SYNE2: variants seen among roughly 807,000 people sequenced by gnomAD.
SYNE2 encodes the protein spectrin repeat containing nuclear envelope protein 2, also known as nesprin-2.
A neutral mutation model predicts 856.3 loss-of-function variants in SYNE2; 431 were observed. The observed-to-expected ratio is 0.50, with a 90% CI of 0.47 to 0.55. The LOEUF (loss-of-function observed/expected upper bound fraction) is 0.55, where lower values mean the gene tolerates loss of function less well. Among genes scored for constraint, SYNE2 ranks in the 20% least tolerant of loss-of-function variants. SYNE2 has a pLI of 0.00. For synonymous variants in SYNE2, 2,923 were observed against 2,872.3 expected (o/e 1.02, Z -0.56); for missense variants, 8,129 against 8,023.2 (o/e 1.01, Z -0.50).
chr14:64,202,244 G>A (rs1051894303), intron 99 of SYNE2: 1 of 702,330 alleles, frequency 1.4e-6, no homozygotes, highest in African/African-American at 1.7e-5. Context: ...ATACGGCTGG[G>A]TGAACCCCTC....
intron 48 of SYNE2, among the ~76,000 whole-genome samples, chr14:64,055,238 G>A (rs2097259125): frequency 6.6e-6 from 1 of 152,052 alleles, no homozygotes; most frequent in African/African-American, 2.4e-5. Flanking sequence ...TACATTAAAT[G>A]TAATCCATTG....
At chr14:63,914,163 T>A (rs2095508467) in intron 2 of SYNE2, among the ~76,000 whole-genome samples, 1 of 152,234 alleles carries the variant, frequency 6.6e-6, no homozygotes, top group African/African-American at 2.4e-5. Context: ...AAACAACATC[T>A]GTGCTGAGCC....
chr14:63,840,234 G>A (rs942107654), intron 1 of SYNE2, among the ~76,000 whole-genome samples: 8 of 152,088 alleles, frequency 5.3e-5, no homozygotes, highest in African/African-American at 1.9e-4. Context: ...CAGCGTCATT[G>A]CACTCCAGCC....
At position 64,073,324 on chromosome 14, in the gene SYNE2, A is replaced by G. The variant is rs532050487; in HGVS notation, c.10698-644A>G. The stretch of plus-strand genomic sequence containing the variant: ...CCTTCTTAGAACTAAAGATGCTCCT[A>G]TCACTCAGGAAATTACAAAGGGCTT... On this transcript the variant is annotated intron_variant, in intron 52 of 115. Coordinates refer to ENST00000555002, the MANE Select transcript of SYNE2 (RefSeq NM_182914.3). 7.6e-4 allele frequency among the ~76,000 whole-genome samples: 116 copies of G among 152,202 alleles called. 1 individual carries two copies. The highest frequency in any genetic ancestry group is 2.6e-3 in the African/African-American group (110 of 41,542).
intron 2 of SYNE2, among the ~76,000 whole-genome samples, chr14:63,927,015 A>G (rs1344034378): frequency 6.6e-6 from 1 of 152,210 alleles, no homozygotes; most frequent in African/African-American, 2.4e-5. Context: ...AGGTCCTGAA[A>G]GAAGGCGGGA....
intron 111 of SYNE2, 49 bp from the exon 112 acceptor site, chr14:64,221,527 C>A: frequency 6.2e-7 from 1 of 1,614,196 alleles, no homozygotes; most frequent in Non-Finnish European, 8.5e-7. Context: ...GGCACACCCT[C>A]TTCCAGGGCT....
rs1253293243 is a variant in SYNE2, at chr14:64,202,840, G to A, written c.18078G>A (p.Gln6026=). ...AGGAGACCTTTGCTTTTATTCAGCAGTTGGACAAAAACATGAGCAACCTTC... is the reference window on the plus strand; with the variant it reads ...AGGAGACCTTTGCTTTTATTCAGCAATTGGACAAAAACATGAGCAACCTTC... ...KLKETFAFIQ[Q]LDKNMSNLRT... The change falls in exon 100 of 116, where the codon CAG becomes CAA. Residue 6026 remains glutamine, a synonymous_variant. Coordinates refer to ENST00000555002, the MANE Select transcript of SYNE2 (RefSeq NM_182914.3). 1.2e-6 allele frequency: 2 copies of A among 1,614,006 alleles called. No individual in the cohort carries two copies. The highest frequency in any genetic ancestry group is 2.2e-5 in the East Asian group (1 of 44,896).
At position 64,170,413 on chromosome 14, in the gene SYNE2, A is replaced by T; in HGVS notation, c.17186A>T (p.Gln5729Leu). Reference protein sequence around the residue: ...TSHLLSAVKGQERFSLYQTRS... With the variant: ...TSHLLSAVKGLERFSLYQTRS... ...CACCTGCTATCTGCAGTGAAGGGCCAGGAGCGCTTCAGCCTCTACCAAACC... is the reference window on the plus strand; with the variant it reads ...CACCTGCTATCTGCAGTGAAGGGCCTGGAGCGCTTCAGCCTCTACCAAACC... Residue 5729 changes from glutamine (Q) to leucine (L), a missense_variant, in exon 94 of 116, where the codon CAG becomes CTG. Coordinates refer to ENST00000555002, the MANE Select transcript of SYNE2 (RefSeq NM_182914.3). 1.2e-6 allele frequency: 2 copies of T among 1,614,164 alleles called. No homozygotes were observed. Among genetic ancestry groups the T allele is most frequent in the Non-Finnish European group, 1.7e-6 (2 of 1,180,038 alleles).
In SYNE2 at chr14:64,203,713, G is replaced by A. The variant is rs926816512; in HGVS notation, c.18201+750G>A. 1.7e-4 allele frequency among the ~76,000 whole-genome samples: 26 copies of A among 152,140 alleles called. 1 individual carries two copies. Among genetic ancestry groups the A allele is most frequent in the African/African-American group, 6.0e-4 (25 of 41,488 alleles). On this transcript the variant is annotated intron_variant, in intron 100 of 115. Coordinates refer to ENST00000555002, the MANE Select transcript of SYNE2 (RefSeq NM_182914.3). ...TTCTTTCTTTAGCTTTTGTTCACCT[G>A]TTTTTCTCAGACCTATGGGCAGATT...
At chr14:64,206,188 C>T (rs2098604500) in intron 100 of SYNE2, among the ~76,000 whole-genome samples, 1 of 152,216 alleles carries the variant, frequency 6.6e-6, no homozygotes, top group African/African-American at 2.4e-5. Context: ...CAAGTTCCTC[C>T]CCAACCTCAG....
chr14:63,930,735 C>A (rs1484690841), intron 2 of SYNE2, among the ~76,000 whole-genome samples: 2 of 152,094 alleles, frequency 1.3e-5, no homozygotes, highest in Non-Finnish European at 2.9e-5. Context: ...AGGGTTTCAC[C>A]ATGTTGACCA....
In SYNE2 at chr14:63,995,144, ATAAAG is replaced by A; in HGVS notation, c.2883_2887del (p.Asn961LysfsTer7). The A allele has an allele frequency of 6.2e-7, 1 of 1,605,482 alleles. No homozygotes were observed. The highest frequency in any genetic ancestry group is 8.5e-7 in the Non-Finnish European group (1 of 1,176,028). On this transcript the variant is annotated frameshift_variant, in exon 23 of 116. Coordinates refer to ENST00000555002, the MANE Select transcript of SYNE2 (RefSeq NM_182914.3). LOFTEE classifies it high-confidence loss of function. The stretch of plus-strand genomic sequence containing the variant: ...ATTTTAAAACTTGAAAAGCAAATAA[ATAAAG>A]AAAAGAAACTTATCCGTAGAGGAAG...
chr14:64,068,536 A>G (rs914293696), intron 51 of SYNE2, among the ~76,000 whole-genome samples: 4 of 152,070 alleles, frequency 2.6e-5, no homozygotes, highest in African/African-American at 9.7e-5. Context: ...AAGTTGAAGA[A>G]TTGCCTGGCT....
At chr14:63,951,187 G>T (rs888464444) in intron 7 of SYNE2, among the ~76,000 whole-genome samples, 1 of 152,144 alleles carries the variant, frequency 6.6e-6, no homozygotes, top group Non-Finnish European at 1.5e-5. Flanking sequence ...TCATAGCATT[G>T]TTAGGTAAAT....
chr14:64,095,303 T>G (rs1396518462), intron 61 of SYNE2, among the ~76,000 whole-genome samples: 2 of 152,336 alleles, frequency 1.3e-5, no homozygotes, highest in Admixed American at 1.3e-4. Context: ...ACCCAACAAG[T>G]GCAAAGTATG....
rs774317827 is a variant in SYNE2, at chr14:64,137,928, A to G, written c.14788A>G (p.Lys4930Glu). 4 of 1,614,184 alleles carry G rather than the reference A, an allele frequency of 2.5e-6. No individual in the cohort carries two copies. The East Asian group carries it at 8.9e-5, about 36-fold the overall frequency. ...KLEEQWLSLN[K>E]KIDHELHRLQ... Reference sequence around the variant, plus strand: ...GGAAGAGCAGTGGTTGTCCCTGAACAAGAAAATTGACCATGAGCTCCACAG... The same window carrying G: ...GGAAGAGCAGTGGTTGTCCCTGAACGAGAAAATTGACCATGAGCTCCACAG... Residue 4930 changes from lysine (K) to glutamate (E), a missense_variant, in exon 79 of 116, where the codon AAG (lysine) becomes GAG (glutamate). Coordinates refer to ENST00000555002, the MANE Select transcript of SYNE2 (RefSeq NM_182914.3).
At chr14:63,770,931 C>T (rs945268296) in intron 1 of SYNE2, among the ~76,000 whole-genome samples, 1 of 152,180 alleles carries the variant, frequency 6.6e-6, no homozygotes, top group Non-Finnish European at 1.5e-5. Context: ...GTCTTCATCT[C>T]CTGGCCTCAA....
chr14:64,115,884 T>G (rs1264580491), intron 66 of SYNE2, among the ~76,000 whole-genome samples: 3 of 148,314 alleles, frequency 2.0e-5, no homozygotes, highest in African/African-American at 7.8e-5. Flanking sequence ...CCAGGAGTGG[T>G]GGCTCACGCC....
chr14:64,028,199 G>C (rs183848945), intron 43 of SYNE2, among the ~76,000 whole-genome samples: 2 of 151,854 alleles, frequency 1.3e-5, no homozygotes, highest in Admixed American at 1.3e-4. Flanking sequence ...GCCACACCTG[G>C]CCTGTTGTTG....
Sources: allele counts gnomAD v4.1 joint callset (sites outside exome capture counted in the v4.1 genomes callset), GRCh38; gene constraint gnomAD v4.1.1; transcripts MANE v1.5; gene names NCBI Gene and HGNC (gene_info 2026-07-23, HGNC 2026-07-21).